Variants in FN1 observed in about 807,000 individuals in gnomAD.
FN1 encodes the protein fibronectin.
A neutral mutation model predicts 297.3 loss-of-function variants in FN1; 106 were observed. The observed-to-expected ratio is 0.36, with a 90% CI of 0.30 to 0.42. The LOEUF is 0.42. Ranked by LOEUF, FN1 falls within the 10% of genes least tolerant of loss-of-function variation. The pLI, the probability that FN1 is intolerant of heterozygous loss-of-function variation, is 1.00. For synonymous variants in FN1, 1,149 were observed against 1,152.6 expected (o/e 1.00, Z 0.06); for missense variants, 2,690 against 3,124.9 (o/e 0.86, Z 3.32).
intron 42 of FN1, among the ~76,000 whole-genome samples, chr2:215,367,100 G>A (rs556964113): frequency 6.6e-6 from 1 of 152,136 alleles, no homozygotes; most frequent in South Asian, 2.1e-4. Flanking sequence ...TCTATAGGAG[G>A]CTTATTTATA....
At chr2:215,413,780 A>G (rs985663474) in intron 13 of FN1, among the ~76,000 whole-genome samples, 2 of 152,358 alleles carry the variant, frequency 1.3e-5, no homozygotes, top group South Asian at 4.1e-4. Flanking sequence ...TAAACTGCCT[A>G]AAATCTGTCT....
intron 24 of FN1, chr2:215,393,724 T>C (rs1434792164): frequency 6.6e-6 from 1 of 152,246 alleles, no homozygotes; most frequent in Admixed American, 6.5e-5. Flanking sequence ...GCATTATGAA[T>C]GTATGGTGTG....
chr2:215,418,315 T>C (rs768131262), intron 12 of FN1, among the ~76,000 whole-genome samples: 7 of 152,172 alleles, frequency 4.6e-5, no homozygotes, highest in Non-Finnish European at 5.9e-5. Context: ...GATGAGGAAA[T>C]GGAGGAATGA....
At chr2:215,386,592 T>TG in intron 28 of FN1, 97 bp downstream of exon 28, 2 of 522,428 alleles carry the variant, frequency 3.8e-6, no homozygotes, top group East Asian at 3.6e-5. Flanking sequence ...TTTTTTTTTT[T>TG]TTGAGAGCTG....
At chr2:215,392,258 T>C (rs11883812) in intron 25 of FN1, 22,288 of 200,370 alleles carry the variant, frequency 0.11, 1,748 homozygotes, top group African/African-American at 0.23. Context: ...TACAGTTCCA[T>C]TCAGTGAATT....
intron 1 of FN1, 127 bp downstream of exon 1, chr2:215,435,528 G>C: frequency 7.3e-7 from 1 of 1,376,168 alleles, no homozygotes; most frequent in South Asian, 1.2e-5. Context: ...GTGCACAGCT[G>C]GTTTCTCTCA....
In FN1 at chr2:215,419,156, A is replaced by G. The variant is rs911876468; in HGVS notation, c.1819+86T>C. On this transcript the variant is annotated intron_variant, in intron 12 of 45. Coordinates refer to ENST00000354785, the MANE Select transcript of FN1 (RefSeq NM_212482.4). ...GGGTGGGAAAGAGGGGAGACCCCCA[A>G]CTTAGGCATGAGAGCATTAATAATC... The G allele has an allele frequency of 7.1e-5, 84 of 1,189,322 alleles. 4 individuals carry two copies. The highest frequency in any genetic ancestry group is 8.8e-5 in the Non-Finnish European group (70 of 796,164). 73.7% of individuals were successfully genotyped at this position (1,189,322 alleles called of 1,614,324 possible).
chr2:215,434,907 G>A, intron 1 of FN1, 83 bp from the exon 2 acceptor site: 2 of 1,422,356 alleles, frequency 1.4e-6, no homozygotes, highest in Non-Finnish European at 2.0e-6. Flanking sequence ...GAATATTGAC[G>A]TACATATTTT....
In FN1 at chr2:215,383,457, C is replaced by T. The variant is rs762465255; in HGVS notation, c.4921G>A (p.Val1641Met). 1.2e-6 allele frequency: 2 copies of T among 1,614,152 alleles called. No individual in the cohort carries two copies. The highest frequency in any genetic ancestry group is 8.5e-7 in the Non-Finnish European group (1 of 1,180,018). Residue 1641 changes from valine (V) to methionine (M), a missense_variant, in exon 31 of 46, where the codon GTG (valine) becomes ATG (methionine). This residue lies in a region of FN1 where 1,743 missense variants were observed against 1,945.2 expected (regional missense o/e 0.90). Transcript: ENST00000354785. ...TEIDKPSQMQVTDVQDNSISV... is the reference protein window; with the variant it reads ...TEIDKPSQMQMTDVQDNSISV... ...ATGCTGTTGTCCTGAACATCGGTCA[C>T]TTGCATCTGGGATGGTTTGTCAATT...
intron 36 of FN1, 114 bp downstream of exon 36, chr2:215,376,384 T>C: frequency 1.0e-6 from 1 of 980,324 alleles, no homozygotes; most frequent in Non-Finnish European, 1.6e-6. Flanking sequence ...AACTGGGTTA[T>C]GATGATAACA....
chr2:215,417,703 G>A (rs1028877081), intron 12 of FN1, among the ~76,000 whole-genome samples: 7 of 152,106 alleles, frequency 4.6e-5, no homozygotes, highest in Non-Finnish European at 8.8e-5. Context: ...TCTTCCCTCC[G>A]AAATCACCTC....
intron 40 of FN1, 47 bp from the exon 41 acceptor site, chr2:215,370,479 G>T: frequency 6.6e-7 from 1 of 1,522,108 alleles, no homozygotes; most frequent in Non-Finnish European, 9.0e-7. Flanking sequence ...ATTATAGTGA[G>T]GAATGACACG....
chr2:215,432,641 A>C (rs1324872782), intron 3 of FN1, among the ~76,000 whole-genome samples: 2 of 152,254 alleles, frequency 1.3e-5, no homozygotes, highest in African/African-American at 4.8e-5. Flanking sequence ...TTATATTTAA[A>C]GAATGGATTA....
intron 6 of FN1, among the ~76,000 whole-genome samples, chr2:215,425,631 C>A (rs1575807461): frequency 6.6e-6 from 1 of 152,126 alleles, no homozygotes; most frequent in East Asian, 1.9e-4. Context: ...CGGCTCACTG[C>A]AACCTCTGCC....
At chr2:215,433,601 T>C (rs546244718) in intron 2 of FN1, 140 bp from the exon 3 acceptor site, 1 of 857,712 alleles carries the variant, frequency 1.2e-6, no homozygotes, top group South Asian at 1.5e-5. Flanking sequence ...AAGTGAGAGA[T>C]ACAGATTTTT....
intron 41 of FN1, among the ~76,000 whole-genome samples, chr2:215,369,538 A>C (rs1230668541): frequency 6.6e-6 from 1 of 152,174 alleles, no homozygotes. Flanking sequence ...GTTGGTGTGG[A>C]GTAGAGAACT....
chr2:215,381,646 G>C (rs914556150), intron 32 of FN1: 6 of 204,462 alleles, frequency 2.9e-5, no homozygotes, highest in Non-Finnish European at 1.0e-5. Context: ...GCTAATTTTT[G>C]TATTTTTAGT....
chr2:215,366,593 C>T (rs2054656894), intron 42 of FN1, among the ~76,000 whole-genome samples: 1 of 152,180 alleles, frequency 6.6e-6, no homozygotes, highest in South Asian at 2.1e-4. Context: ...GACTTTTTAA[C>T]CTCCAGGGCT....
chr2:215,391,797 C>T lies in FN1; in HGVS notation c.4087G>A (p.Asp1363Asn). 2 of 1,614,030 alleles carry T rather than the reference C, an allele frequency of 1.2e-6. No homozygotes were observed. Among genetic ancestry groups the T allele is most frequent in the Non-Finnish European group, 8.5e-7 (1 of 1,179,972 alleles). The change falls in exon 26 of 46, where the codon GAC becomes AAC. Residue 1363 changes from aspartate (D) to asparagine (N), a missense_variant. This residue lies in a region of FN1 where 1,743 missense variants were observed against 1,945.2 expected (regional missense o/e 0.90). Transcript: ENST00000354785. ...GGACCAATGTTGGTGAATCGCAGGTCAGTGGGAGGAGGAACAGCTGGTTTC... is the reference window on the plus strand; with the variant it reads ...GGACCAATGTTGGTGAATCGCAGGTTAGTGGGAGGAGGAACAGCTGGTTTC... ...TQQTAVPPPTDLRFTNIGPDT... is the reference protein window; with the variant it reads ...TQQTAVPPPTNLRFTNIGPDT...
Sources: gnomAD v4.1 joint callset for allele counts (sites outside exome capture counted in the v4.1 genomes callset) on GRCh38, gnomAD v4.1.1 for gene constraint, gnomAD v4.1.1 regional missense constraint, MANE v1.5 for transcripts, NCBI Gene and HGNC (gene_info 2026-07-23, HGNC 2026-07-21) for gene names.